Variants in FLVCR1 observed in about 807,000 individuals in gnomAD.
FLVCR1 encodes the protein choline/ethanolamine transporter FLVCR1.
In FLVCR1, 34 loss-of-function variants were observed where a neutral mutation model predicts 53.6. The ratio of observed to expected loss-of-function variants is 0.63; its 90% CI spans 0.48 to 0.84. The LOEUF (loss-of-function observed/expected upper bound fraction) is 0.84. Among genes scored for constraint, FLVCR1 ranks in the 40% least tolerant of loss-of-function variants. FLVCR1 has a pLI of 0.00. For missense variants in FLVCR1, 677 were observed against 696.7 expected, an observed-to-expected ratio of 0.97 and a Z score of 0.32; for synonymous variants, 300 against 286.3, an observed-to-expected ratio of 1.05 and a Z score of -0.48.
rs41301021 is a variant in FLVCR1, at chr1:212,895,574, G to A, written c.*284G>A. ...TGTATCTGAAAGTAAGCTTCTTGAC[G>A]TTTACTTTTTAAAAGTCGATGTTTT... On this transcript the variant is annotated 3_prime_UTR_variant, in exon 10 of 10. Coordinates refer to ENST00000366971, the MANE Select transcript of FLVCR1 (RefSeq NM_014053.4). 165 of 407,174 alleles carry A rather than the reference G, an allele frequency of 4.1e-4. 1 individual carries two copies. Among genetic ancestry groups the A allele is most frequent in the African/African-American group, 2.9e-3 (146 of 49,546 alleles). The allele number at this position is 407,174 out of a possible 1,614,324, so 25.2% of individuals were successfully genotyped here. A position where few individuals can be genotyped will look rare whatever the true frequency, so the allele number is the denominator to read the frequency against.
intron 5 of FLVCR1, among the ~76,000 whole-genome samples, chr1:212,885,841 G>A (rs961623000): frequency 6.6e-6 from 1 of 151,754 alleles, no homozygotes; most frequent in African/African-American, 2.4e-5. Context: ...GTGAGCCACC[G>A]CGCCCAGCAA....
rs886045943 is a variant in FLVCR1 at position 212,898,518 on chromosome 1, T to C, written c.*3228T>C. ...ATTACACATAAAATTTAGAATACTT[T>C]ATTTCTGAAAAGCATATACATATAT... On this transcript the variant is annotated 3_prime_UTR_variant, in exon 10 of 10. Transcript: ENST00000366971. 6.6e-6 allele frequency: 1 copy of C among 152,250 alleles called. No individual in the cohort carries two copies. The highest frequency in any genetic ancestry group is 1.5e-5 in the Non-Finnish European group (1 of 68,038). 9.4% of individuals were successfully genotyped at this position (152,250 alleles called of 1,614,324 possible).
In FLVCR1 at chr1:212,866,380, C is replaced by G. The variant is rs554590183; in HGVS notation, c.883+2511C>G. ...AAATGATCTGCCTGCCTCGGCCTCC[C>G]AAAGGGCTGGGATTACTGGTGTGAG... On this transcript the variant is annotated intron_variant, in intron 2 of 9. Coordinates refer to ENST00000366971, the MANE Select transcript of FLVCR1 (RefSeq NM_014053.4). Among the ~76,000 whole-genome samples, 3 of 152,278 alleles carry G rather than the reference C, an allele frequency of 2.0e-5. No homozygotes were observed. In the South Asian group the frequency reaches 6.2e-4, roughly 32 times the overall value.
rs58544929 is a variant in FLVCR1, at chr1:212,865,485, A to ATTTTTTTTT, written c.883+1623_883+1631dup. ...AATGGACCTTCCATTTGCAATAGGG[A>ATTTTTTTTT]TTTTTTTTTTTTTTTGAGACAGAGT... On this transcript the variant is annotated intron_variant, in intron 2 of 9. Transcript: ENST00000366971. 3.4e-4 allele frequency among the ~76,000 whole-genome samples: 46 copies of ATTTTTTTTT among 133,696 alleles called. 5 individuals are homozygous for ATTTTTTTTT. Among genetic ancestry groups the ATTTTTTTTT allele is most frequent in the African/African-American group, 6.0e-4 (20 of 33,478 alleles). The allele number at this position is 133,696 out of a possible 152,430, so 87.7% of individuals were successfully genotyped here.
intron 1 of FLVCR1, 63 bp from the exon 2 acceptor site, chr1:212,863,662 A>G: frequency 1.4e-6 from 2 of 1,420,628 alleles, no homozygotes; most frequent in East Asian, 2.3e-5. Context: ...TGTTCTGTTA[A>G]TTGCCAGCAT....
At chr1:212,859,224 C>T (rs1664143547) in intron 1 of FLVCR1, 34 bp downstream of exon 1, 1 of 1,613,690 alleles carries the variant, frequency 6.2e-7, no homozygotes, top group African/African-American at 1.3e-5. Context: ...AAGTCAGATC[C>T]TTAAAAGACC....
rs755552497 is a variant in FLVCR1 at position 212,872,790 on chromosome 1, T to C, written c.996T>C (p.Ile332=). Residue 332 remains isoleucine, a synonymous_variant, in exon 3 of 10, where the codon ATT becomes ATC. Transcript: ENST00000366971. ...CAATAAGAAACCTGTTTAAAAACATTCCTTTTGTCCTTCTGTTGATCACTT... is the reference window on the plus strand; with the variant it reads ...CAATAAGAAACCTGTTTAAAAACATCCCTTTTGTCCTTCTGTTGATCACTT... The part of the protein sequence containing the change: ...KKSIRNLFKN[I]PFVLLLITYG... 6 of 1,613,930 alleles carry C rather than the reference T, an allele frequency of 3.7e-6. No homozygotes were observed. The Admixed American group carries it at 1.0e-4, about 27-fold the overall frequency.
At chr1:212,870,328 G>C (rs1664560833) in intron 2 of FLVCR1, among the ~76,000 whole-genome samples, 1 of 152,188 alleles carries the variant, frequency 6.6e-6, no homozygotes, top group South Asian at 2.1e-4. Context: ...ATTTTTAGCA[G>C]CAAACAGGAA....
rs1422855524 is a variant in FLVCR1, at chr1:212,888,613, T to C, written c.1413+19T>C. On this transcript the variant is annotated intron_variant, in intron 7 of 9. Transcript: ENST00000366971. ...TGCACAGGTAAACCTCTGATTTCTC[T>C]AAACCTGAGATGATTATTATACCAG... 2.8e-6 allele frequency: 4 copies of C among 1,451,312 alleles called. No individual in the cohort carries two copies. Among genetic ancestry groups the C allele is most frequent in the Non-Finnish European group, 3.9e-6 (4 of 1,031,600 alleles). 89.9% of individuals were successfully genotyped at this position (1,451,312 alleles called of 1,614,324 possible).
At chr1:212,872,633 G>GCA (rs1337297378) in intron 2 of FLVCR1, 45 bp from the exon 3 acceptor site, 1 of 1,215,936 alleles carries the variant, frequency 8.2e-7, no homozygotes, top group African/African-American at 1.5e-5. Context: ...ACAACATATT[G>GCA]TATATATATT....
chr1:212,885,480 T>G, intron 5 of FLVCR1, 84 bp downstream of exon 5: 1 of 981,266 alleles, frequency 1.0e-6, no homozygotes, highest in Non-Finnish European at 1.6e-6. Context: ...TTCAAGAAAT[T>G]TAAAACATGT....
In FLVCR1 at chr1:212,878,988, C is replaced by CA. The variant is rs35604707; in HGVS notation, c.1025-4372dup. Among the ~76,000 whole-genome samples, 816 of 146,722 alleles carry CA rather than the reference C, an allele frequency of 5.6e-3. 7 individuals carry two copies. The highest frequency in any genetic ancestry group is 0.02 in the African/African-American group (773 of 39,372). On this transcript the variant is annotated intron_variant, in intron 3 of 9. Coordinates refer to ENST00000366971, the MANE Select transcript of FLVCR1 (RefSeq NM_014053.4). ...TGGGTGACAAAGTGAGATCCTGTCT[C>CA]AAAAAAAAAAAGACCTAAATAATTT...
chr1:212,885,547 T>TTTA, intron 5 of FLVCR1, 151 bp downstream of exon 5: 6 of 405,152 alleles, frequency 1.5e-5, no homozygotes, highest in Non-Finnish European at 2.1e-5. Context: ...TTAACAAGTG[T>TTTA]TTCTTTTTTT....
At chr1:212,894,360 G>T (rs1482094093) in intron 8 of FLVCR1, among the ~76,000 whole-genome samples, 1 of 151,838 alleles carries the variant, frequency 6.6e-6, no homozygotes, top group East Asian at 2.0e-4. Flanking sequence ...TCACCGTGTT[G>T]GCCGGGATGG....
intron 3 of FLVCR1, among the ~76,000 whole-genome samples, chr1:212,881,488 A>G (rs997500029): frequency 1.3e-5 from 2 of 151,730 alleles, no homozygotes; most frequent in Non-Finnish European, 2.9e-5. Context: ...ACAGGCGCAC[A>G]CCACTGCGCC....
chr1:212,859,688 A>T (rs1448091145), intron 1 of FLVCR1, among the ~76,000 whole-genome samples: 1 of 152,136 alleles, frequency 6.6e-6, no homozygotes, highest in Non-Finnish European at 1.5e-5. Context: ...TTTGCACTCC[A>T]GCTTGGGTGA....
At chr1:212,892,459 C>A (rs1572029873) in intron 8 of FLVCR1, among the ~76,000 whole-genome samples, 1 of 152,170 alleles carries the variant, frequency 6.6e-6, no homozygotes, top group East Asian at 1.9e-4. Context: ...GAACAATGAA[C>A]CTGAACCCCG....
chr1:212,862,756 C>T (rs1263583912), intron 1 of FLVCR1, among the ~76,000 whole-genome samples: 1 of 152,182 alleles, frequency 6.6e-6, no homozygotes, highest in Admixed American at 6.5e-5. Flanking sequence ...TAAGGAACTG[C>T]CAAACTTGTC....
chr1:212,862,697 C>A (rs1239617044), intron 1 of FLVCR1, among the ~76,000 whole-genome samples: 1 of 152,094 alleles, frequency 6.6e-6, no homozygotes, highest in Non-Finnish European at 1.5e-5. Context: ...GGGACATATA[C>A]CTAGGAGTAG....
Sources: allele counts gnomAD v4.1 joint callset (sites outside exome capture counted in the v4.1 genomes callset), GRCh38; gene constraint gnomAD v4.1.1; transcripts MANE v1.5; gene names NCBI Gene and HGNC (gene_info 2026-07-23, HGNC 2026-07-21).